Variants in PLA2G4C observed in about 807,000 individuals in gnomAD.
The protein encoded by PLA2G4C is phospholipase A2 group IVC.
PLA2G4C carries 64 observed loss-of-function variants against 73.8 expected under a neutral mutation model. The observed-to-expected ratio is 0.87, with a 90% CI of 0.71 to 1.07. The LOEUF (loss-of-function observed/expected upper bound fraction) is 1.07, where lower values mean the gene tolerates loss of function less well. Among genes scored for constraint, PLA2G4C ranks in the 50% least tolerant of loss-of-function variants. PLA2G4C has a pLI of 0.00. For synonymous variants in PLA2G4C, 254 were observed against 252.1 expected, an observed-to-expected ratio of 1.01 and a Z score of -0.07; for missense variants, 622 against 665.4, an observed-to-expected ratio of 0.93 and a Z score of 0.72.
chr19:48,048,357 A>T lies in PLA2G4C; in HGVS notation c.1612T>A (p.Cys538Ser). ...CTGAGGCTCATCTATGCCAAGCAGC[A>T]ACTTCGGGCACTATCCTTCGGGTAG... is the stretch of plus-strand genomic sequence containing the variant. ...LYYPKDSARS[C>S]CLA The change falls in exon 17 of 17, where the codon TGC becomes AGC. Residue 538 changes from cysteine (C) to serine (S), a missense_variant. Coordinates refer to ENST00000599921, the MANE Select transcript of PLA2G4C (RefSeq NM_003706.3). 6.3e-7 allele frequency: 1 copy of T among 1,598,974 alleles called. No individual in the cohort carries two copies. Among genetic ancestry groups the T allele is most frequent in the Non-Finnish European group, 8.5e-7 (1 of 1,175,026 alleles).
chr19:48,068,133 C>G (rs1256557197), intron 12 of PLA2G4C, among the ~76,000 whole-genome samples: 1 of 152,088 alleles, frequency 6.6e-6, no homozygotes. Flanking sequence ...GAAACCCTGT[C>G]TCTACTAAAA....
intron 1 of PLA2G4C, among the ~76,000 whole-genome samples, chr19:48,107,725 G>T (rs564623524): frequency 6.6e-6 from 1 of 152,276 alleles, no homozygotes; most frequent in East Asian, 1.9e-4. Context: ...TCCCTGTGAT[G>T]CTGTGCTTCA....
intron 15 of PLA2G4C, among the ~76,000 whole-genome samples, chr19:48,053,487 A>C (rs1296680247): frequency 6.7e-6 from 1 of 148,736 alleles, no homozygotes; most frequent in Non-Finnish European, 1.5e-5. Context: ...CTCCTGCCTC[A>C]GCCTCCCAAG....
intron 4 of PLA2G4C, among the ~76,000 whole-genome samples, chr19:48,100,811 G>C (rs1455999490): frequency 6.7e-6 from 1 of 148,892 alleles, no homozygotes; most frequent in African/African-American, 2.5e-5. Context: ...CTACTCGAGA[G>C]GCTGAGGCAG....
intron 14 of PLA2G4C, chr19:48,061,755 A>G: frequency 2.0e-6 from 1 of 490,430 alleles, no homozygotes. Flanking sequence ...AAGCGGGGAG[A>G]GTCATCTGCC....
At chr19:48,067,940 T>C (rs1455741943) in intron 12 of PLA2G4C, 54 bp from the exon 13 acceptor site, 3 of 1,248,062 alleles carry the variant, frequency 2.4e-6, no homozygotes, top group Admixed American at 3.4e-5. Flanking sequence ...GAGTGGTTTC[T>C]GCCCCCACCA....
intron 2 of PLA2G4C, 24 bp from the exon 3 acceptor site, chr19:48,105,468 A>C (rs773346483): frequency 1.3e-6 from 2 of 1,570,038 alleles, no homozygotes. Context: ...AACACAAAGA[A>C]GTCCAGAAAA....
chr19:48,085,911 A>G (rs1202372440), intron 9 of PLA2G4C, among the ~76,000 whole-genome samples: 2 of 152,044 alleles, frequency 1.3e-5, no homozygotes, highest in African/African-American at 4.8e-5. Flanking sequence ...TGTGGGAAGA[A>G]CCCTGCATGC....
chr19:48,049,832 G>T (rs1967654723), intron 16 of PLA2G4C, among the ~76,000 whole-genome samples: 1 of 152,168 alleles, frequency 6.6e-6, no homozygotes, highest in African/African-American at 2.4e-5. Context: ...AGAGGTCTCA[G>T]GAGAAACCAC....
chr19:48,106,204 T>C (rs2032230340), intron 2 of PLA2G4C, among the ~76,000 whole-genome samples: 1 of 151,088 alleles, frequency 6.6e-6, no homozygotes, highest in Non-Finnish European at 1.5e-5. Flanking sequence ...TGTCTCAGCC[T>C]CCTAAGTAGC....
intron 14 of PLA2G4C, among the ~76,000 whole-genome samples, chr19:48,059,254 G>C (rs900116940): frequency 7.2e-6 from 1 of 138,338 alleles, no homozygotes; most frequent in African/African-American, 2.8e-5. Flanking sequence ...CTATGTGATA[G>C]AGCGAGACTC....
intron 1 of PLA2G4C, among the ~76,000 whole-genome samples, chr19:48,106,875 C>A (rs540350868): frequency 6.6e-5 from 10 of 152,142 alleles, no homozygotes; most frequent in Admixed American, 6.6e-4. Flanking sequence ...ATGAAGTTTC[C>A]CTCTTGTTGA....
intron 12 of PLA2G4C, among the ~76,000 whole-genome samples, chr19:48,071,899 G>A (rs568618229): frequency 6.6e-6 from 1 of 152,130 alleles, no homozygotes; most frequent in African/African-American, 2.4e-5. Flanking sequence ...TGTAATCCCA[G>A]CACTTTGGGA....
At position 48,054,905 on chromosome 19, in the gene PLA2G4C, GAA is replaced by G; in HGVS notation, c.1400_1401del (p.Phe467SerfsTer11). 1.2e-6 allele frequency: 2 copies of G among 1,614,032 alleles called. No homozygotes were observed. Among genetic ancestry groups the G allele is most frequent in the Non-Finnish European group, 8.5e-7 (1 of 1,180,026 alleles). ...KGETGPVVMH[F>X]PLFNIDACGG... Reference sequence around the variant, plus strand: ...CCACAGGCATCTATGTTGAACAGGGGAAAATGCATCACCACTGGTCCAGTTTC... The same window carrying G: ...CCACAGGCATCTATGTTGAACAGGGGAATGCATCACCACTGGTCCAGTTTC... On this transcript the variant is annotated frameshift_variant, in exon 15 of 17. Transcript: ENST00000599921. LOFTEE classifies it high-confidence loss of function.
chr19:48,048,143 T>A lies in PLA2G4C; in HGVS notation c.*200A>T. 1 of 545,746 alleles carries A rather than the reference T, an allele frequency of 1.8e-6. No individual in the cohort carries two copies. Among genetic ancestry groups the A allele is most frequent in the East Asian group, 3.4e-5 (1 of 29,188 alleles). 33.8% of individuals were successfully genotyped at this position (545,746 alleles called of 1,614,324 possible). On this transcript the variant is annotated 3_prime_UTR_variant, in exon 17 of 17. Coordinates refer to ENST00000599921, the MANE Select transcript of PLA2G4C (RefSeq NM_003706.3). ...CAGGACAAATTTCACCACCTTCAGC[T>A]CCTTGGACGCCTTCTTCTGAATGAC... is the stretch of plus-strand genomic sequence containing the variant.
At chr19:48,087,324 T>C (rs556597894) in intron 9 of PLA2G4C, among the ~76,000 whole-genome samples, 1 of 152,236 alleles carries the variant, frequency 6.6e-6, no homozygotes, top group Admixed American at 6.5e-5. Context: ...GTCTTTCCCC[T>C]CTCTTCCACT....
At chr19:48,077,149 C>T (rs1245184085) in intron 11 of PLA2G4C, among the ~76,000 whole-genome samples, 3 of 152,126 alleles carry the variant, frequency 2.0e-5, no homozygotes, top group African/African-American at 7.2e-5. Flanking sequence ...GGATCCTAGG[C>T]ATACCTAGGG....
chr19:48,071,460 T>C (rs1478796341), intron 12 of PLA2G4C, among the ~76,000 whole-genome samples: 1 of 151,980 alleles, frequency 6.6e-6, no homozygotes, highest in Non-Finnish European at 1.5e-5. Context: ...CCGGCGAATT[T>C]TGTATTTTTG....
At chr19:48,051,363 T>C (rs995252481) in intron 16 of PLA2G4C, among the ~76,000 whole-genome samples, 3 of 152,192 alleles carry the variant, frequency 2.0e-5, no homozygotes, top group African/African-American at 7.2e-5. Context: ...CTGGGTAACG[T>C]ATAAACAAAA....
Sources: gnomAD v4.1 joint callset for allele counts (sites outside exome capture counted in the v4.1 genomes callset) on GRCh38, gnomAD v4.1.1 for gene constraint, MANE v1.5 for transcripts, NCBI Gene and HGNC (gene_info 2026-07-23, HGNC 2026-07-21) for gene names.